The following CDH18 variants were observed in gnomAD, a reference collection of about 807,000 sequenced individuals.
CDH18 encodes cadherin-18.
A neutral mutation model predicts 67.9 loss-of-function variants in CDH18; 31 were observed. That is an observed-to-expected ratio of 0.46 (90% CI 0.34 to 0.62). CDH18 has a LOEUF of 0.62. CDH18 is among the 20% of genes least tolerant of loss of function. CDH18 has a pLI of 0.01. For synonymous variants in CDH18, 362 were observed against 347.2 expected (o/e 1.04, Z -0.48); for missense variants, 890 against 975.5 (o/e 0.91, Z 1.17).
At chr5:20,046,671 T>C (rs1740919825) in intron 2 of CDH18, among the ~76,000 whole-genome samples, 1 of 149,502 alleles carries the variant, frequency 6.7e-6, no homozygotes, top group Admixed American at 6.7e-5. Flanking sequence ...AATATGTGTG[T>C]GTGTGTATAT....
At chr5:19,998,621 G>A (rs1440870246) in intron 2 of CDH18, among the ~76,000 whole-genome samples, 1 of 152,030 alleles carries the variant, frequency 6.6e-6, no homozygotes, top group African/African-American at 2.4e-5. Flanking sequence ...GTTTTTCATG[G>A]ATTTTTTTCA....
At chr5:19,631,451 T>C (rs1752401679) in intron 5 of CDH18, among the ~76,000 whole-genome samples, 1 of 152,128 alleles carries the variant, frequency 6.6e-6, no homozygotes, top group African/African-American at 2.4e-5. Context: ...TTAAGAAATA[T>C]ATTTTTATTT....
chr5:19,746,073 C>A (rs928357225), intron 4 of CDH18, among the ~76,000 whole-genome samples: 1 of 151,964 alleles, frequency 6.6e-6, no homozygotes, highest in Non-Finnish European at 1.5e-5. Flanking sequence ...TGTTACAAAG[C>A]TTAGAGTCTC....
At chr5:19,923,562 A>G (rs1176503213) in intron 2 of CDH18, among the ~76,000 whole-genome samples, 1 of 152,180 alleles carries the variant, frequency 6.6e-6, no homozygotes, top group African/African-American at 2.4e-5. Context: ...AAATGCAAAG[A>G]ATATGATTCT....
chr5:19,551,549 G>T (rs1460783332), intron 8 of CDH18, among the ~76,000 whole-genome samples: 1 of 152,112 alleles, frequency 6.6e-6, no homozygotes, highest in African/African-American at 2.4e-5. Context: ...TTCTTGTGAT[G>T]ATTAAGTGAA....
Position 19,822,442 on chromosome 5 carries a change from C to T in CDH18, c.228+16317G>A, listed in dbSNP as rs555842726. Among the ~76,000 whole-genome samples the T allele has an allele frequency of 9.9e-5, 15 of 152,234 alleles. No individual in the cohort carries two copies. The South Asian group carries it at 2.3e-3, about 23-fold the overall frequency. ...CCAGATATCAGGCAAAACTCACCCC[C>T]GATATTTCACGTAGGTTCTTTTCTA... On this transcript the variant is annotated intron_variant, in intron 3 of 12. Coordinates refer to ENST00000382275, the MANE Select transcript of CDH18 (RefSeq NM_004934.5).
rs780210307 is a variant in CDH18, at chr5:19,721,378, T to C, written c.612A>G (p.Gly204=). ...SARVVYSILQ[G]QPYFSVDPKT... is the part of the protein sequence containing the mutation. ...TAGGGTCGACGGAGAAGTAGGGTTG[T>C]CCTTGGAGAATGCTGTAAACCACCC... Residue 204 remains glycine, a synonymous_variant, in exon 5 of 13, where the codon GGA becomes GGG. Transcript: ENST00000382275. 2 of 1,608,850 alleles carry C rather than the reference T, an allele frequency of 1.2e-6. No individual in the cohort carries two copies. Among genetic ancestry groups the C allele is most frequent in the Non-Finnish European group, 1.7e-6 (2 of 1,176,070 alleles).
In CDH18 at chr5:19,612,430, G is replaced by C. The variant is rs115601313; in HGVS notation, c.811+4C>G. On this transcript the variant is annotated splice_donor_region_variant and intron_variant, in intron 6 of 12. Transcript: ENST00000382275. ...AATTCAAATCATGGAAAACAAATAC[G>C]TACTTTGAGGAAAGCGTGGTGGGTT... 6.2e-7 allele frequency: 1 copy of C among 1,613,116 alleles called. No homozygotes were observed. Among genetic ancestry groups the C allele is most frequent in the Non-Finnish European group, 8.5e-7 (1 of 1,179,456 alleles).
chr5:20,553,578 T>C (rs560968363), intron 1 of CDH18, among the ~76,000 whole-genome samples: 158 of 152,314 alleles, frequency 1.0e-3, no homozygotes, highest in African/African-American at 3.7e-3. Context: ...ACTTTAACCA[T>C]GTTCCCAGGA....
intron 5 of CDH18, among the ~76,000 whole-genome samples, chr5:19,685,833 A>G (rs760663499): frequency 1.2e-4 from 19 of 152,160 alleles, no homozygotes; most frequent in Admixed American, 2.6e-4. Flanking sequence ...AAATCGACCA[A>G]TGGAAGCAGG....
intron 3 of CDH18, among the ~76,000 whole-genome samples, chr5:19,761,347 T>C (rs1165554120): frequency 5.3e-5 from 8 of 152,156 alleles, no homozygotes; most frequent in African/African-American, 1.9e-4. Context: ...TTCATTATGT[T>C]CCTTGGATCT....
At chr5:20,357,069 A>C (rs192373200) in intron 1 of CDH18, among the ~76,000 whole-genome samples, 162 of 151,942 alleles carry the variant, frequency 1.1e-3, no homozygotes, top group African/African-American at 3.5e-3. Flanking sequence ...TTAGTGTAAC[A>C]TGTTAGAAAT....
intron 3 of CDH18, among the ~76,000 whole-genome samples, chr5:19,797,459 A>G (rs1052481766): frequency 2.0e-5 from 3 of 152,010 alleles, no homozygotes; most frequent in African/African-American, 7.2e-5. Context: ...AAAACAAAAC[A>G]AAGAAATAAA....
chr5:20,264,025 A>T (rs1388118269), intron 1 of CDH18, among the ~76,000 whole-genome samples: 2 of 152,098 alleles, frequency 1.3e-5, no homozygotes, highest in Non-Finnish European at 2.9e-5. Context: ...TTTTCAATCT[A>T]AATATTTATT....
chr5:20,158,369 G>T (rs1751720694), intron 2 of CDH18, among the ~76,000 whole-genome samples: 1 of 152,054 alleles, frequency 6.6e-6, no homozygotes, highest in Non-Finnish European at 1.5e-5. Flanking sequence ...ATTCCATAAA[G>T]TCTTTGTTGA....
intron 1 of CDH18, among the ~76,000 whole-genome samples, chr5:20,559,591 G>T (rs1758092991): frequency 6.6e-6 from 1 of 151,974 alleles, no homozygotes. Context: ...CAGCTGTTAT[G>T]ATTTTATTGA....
At chr5:19,502,734 T>C (rs552968646) in intron 11 of CDH18, 1 of 480,682 alleles carries the variant, frequency 2.1e-6, no homozygotes, top group East Asian at 3.3e-5. Flanking sequence ...CTAAGATTTC[T>C]CTTAAAATTT....
At chr5:20,308,103 T>TTA in intron 1 of CDH18, among the ~76,000 whole-genome samples, 1 of 150,708 alleles carries the variant, frequency 6.6e-6, no homozygotes, top group Non-Finnish European at 1.5e-5. Context: ...TTTTTTTTTT[T>TTA]TACTGGTTTT....
At chr5:19,946,526 T>C (rs1000356761) in intron 2 of CDH18, among the ~76,000 whole-genome samples, 1 of 152,074 alleles carries the variant, frequency 6.6e-6, no homozygotes, top group African/African-American at 2.4e-5. Context: ...GCTAAATGAA[T>C]CCGAAGAAAA....
Sources: allele counts gnomAD v4.1 joint callset (sites outside exome capture counted in the v4.1 genomes callset), GRCh38; gene constraint gnomAD v4.1.1; transcripts MANE v1.5; gene names NCBI Gene and HGNC (gene_info 2026-07-23, HGNC 2026-07-21).